Variants in FHL2 observed in about 807,000 individuals in gnomAD.
FHL2 encodes the protein four and a half LIM domains 2.
Under a neutral mutation model 32.7 loss-of-function variants are expected in FHL2, and 20 were observed. The observed-to-expected ratio is 0.61, with a 90% CI of 0.43 to 0.89. FHL2 has a LOEUF of 0.89. Ranked by LOEUF, FHL2 falls within the 40% of genes least tolerant of loss-of-function variation. The probability of loss-of-function intolerance (pLI) is 0.00; values close to 1 mark genes in which losing one functional copy is unlikely to be tolerated. For synonymous variants in FHL2, 123 were observed against 128.1 expected (o/e 0.96, Z 0.27); for missense variants, 311 against 358.6 (o/e 0.87, Z 1.07).
At position 105,398,995 on chromosome 2, in the gene FHL2, C is replaced by T; in HGVS notation, c.-229G>A. 5 of 1,502,862 alleles carry T rather than the reference C, an allele frequency of 3.3e-6. No individual in the cohort carries two copies. In the South Asian group the frequency reaches 6.5e-5, roughly 20 times the overall value. The allele number at this position is 1,502,862 out of a possible 1,614,324, so 93.1% of individuals were successfully genotyped here. On this transcript the variant is annotated 5_prime_UTR_variant, in exon 1 of 7. Transcript: ENST00000530340. ...GGCACCGCAGCGGGCCGGGGACTCCCGGACGGGGCTGGAGGGCGCGGGCGG... is the reference window on the plus strand; with the variant it reads ...GGCACCGCAGCGGGCCGGGGACTCCTGGACGGGGCTGGAGGGCGCGGGCGG...
intron 4 of FHL2, among the ~76,000 whole-genome samples, chr2:105,368,951 A>T (rs1680831040): frequency 6.6e-6 from 1 of 152,228 alleles, no homozygotes; most frequent in African/African-American, 2.4e-5. Context: ...GAACACAGCC[A>T]CGCCCATTAA....
At chr2:105,415,154 T>C (rs764722201) in intron 1 of FHL2, among the ~76,000 whole-genome samples, 3 of 152,218 alleles carry the variant, frequency 2.0e-5, no homozygotes, top group Non-Finnish European at 2.9e-5. Flanking sequence ...CATTCGTCCA[T>C]ACAATGGAGC....
intron 1 of FHL2, among the ~76,000 whole-genome samples, chr2:105,411,892 T>C (rs926373006): frequency 1.1e-4 from 16 of 152,126 alleles, no homozygotes; most frequent in African/African-American, 2.2e-4. Context: ...AGGGAAACTA[T>C]TGAGCAGAAA....
At chr2:105,398,177 C>CT (rs1353654912) in intron 1 of FHL2, among the ~76,000 whole-genome samples, 1 of 152,136 alleles carries the variant, frequency 6.6e-6, no homozygotes, top group Non-Finnish European at 1.5e-5. Context: ...TAAAACCCGA[C>CT]TGAGGATATG....
intron 1 of FHL2, among the ~76,000 whole-genome samples, chr2:105,397,888 G>GGTT (rs1558716902): frequency 2.9e-5 from 4 of 138,530 alleles, no homozygotes; most frequent in East Asian, 4.1e-4. Context: ...TTTGTTTTTT[G>GGTT]TTTTTTTTTG....
intron 2 of FHL2, among the ~76,000 whole-genome samples, chr2:105,390,950 C>T (rs1332110008): frequency 1.3e-5 from 2 of 151,746 alleles, no homozygotes; most frequent in African/African-American, 2.4e-5. Context: ...GCACACGCCA[C>T]CACACTCAGC....
At chr2:105,398,700 C>T in intron 1 of FHL2, 142 bp downstream of exon 1, 1 of 640,564 alleles carries the variant, frequency 1.6e-6, no homozygotes, top group Non-Finnish European at 2.4e-6. Flanking sequence ...CCGTGGTCTC[C>T]CCACCCCCAA....
chr2:105,364,708 T>C (rs368208544), intron 5 of FHL2, among the ~76,000 whole-genome samples: 5 of 152,070 alleles, frequency 3.3e-5, no homozygotes, highest in Admixed American at 3.3e-4. Flanking sequence ...TTGCTTTTTA[T>C]TTTTTGAACA....
intron 3 of FHL2, among the ~76,000 whole-genome samples, chr2:105,379,040 A>G (rs760038784): frequency 9.2e-5 from 14 of 152,170 alleles, no homozygotes; most frequent in Non-Finnish European, 2.1e-4. Flanking sequence ...CTGGGATCCC[A>G]GGAGCACGTG....
intron 1 of FHL2, among the ~76,000 whole-genome samples, chr2:105,422,432 T>C (rs1293166441): frequency 6.6e-6 from 1 of 152,168 alleles, no homozygotes; most frequent in Non-Finnish European, 1.5e-5. Flanking sequence ...AAAACTGTGA[T>C]GGGAATAGTG....
intron 1 of FHL2, among the ~76,000 whole-genome samples, chr2:105,413,655 G>C (rs1683857620): frequency 6.6e-6 from 1 of 151,948 alleles, no homozygotes; most frequent in Admixed American, 6.6e-5. Flanking sequence ...TTTAATTTTT[G>C]TTTTTATAGA....
intron 6 of FHL2, among the ~76,000 whole-genome samples, chr2:105,362,194 C>T (rs1327478641): frequency 6.6e-6 from 1 of 152,138 alleles, no homozygotes; most frequent in Non-Finnish European, 1.5e-5. Context: ...TATGTTCTGG[C>T]AAAAGATTAC....
chr2:105,404,997 C>T (rs1683581467), intron 1 of FHL2, among the ~76,000 whole-genome samples: 1 of 152,044 alleles, frequency 6.6e-6, no homozygotes, highest in South Asian at 2.1e-4. Flanking sequence ...TTTGATACCT[C>T]TTTAAGAAAG....
Position 105,397,439 on chromosome 2 carries a change from G to A in FHL2, c.-75-742C>T, listed in dbSNP as rs1418582259. On this transcript the variant is annotated intron_variant, in intron 1 of 6. Coordinates refer to ENST00000530340, the MANE Select transcript of FHL2 (RefSeq NM_001318895.3). The stretch of plus-strand genomic sequence containing the variant: ...CCAGTGGAGAAAACCGAGACACTAC[G>A]AGATTAAGTGACTTGGCCCAGGCTG... 2.0e-5 allele frequency among the ~76,000 whole-genome samples: 3 copies of A among 152,242 alleles called. No individual in the cohort carries two copies. The South Asian group carries it at 6.2e-4, about 32-fold the overall frequency.
rs117496869 is a variant in FHL2, at chr2:105,384,253, G to A, written c.156+2108C>T. ...AAGCTTTTATAATTATATTTTTCTC[G>A]GGCTATCTACTTCTTCCTCAAACTG... On this transcript the variant is annotated intron_variant, in intron 3 of 6. Coordinates refer to ENST00000530340, the MANE Select transcript of FHL2 (RefSeq NM_001318895.3). 8.8e-4 allele frequency among the ~76,000 whole-genome samples: 134 copies of A among 151,996 alleles called. 2 individuals carry two copies. The East Asian group carries it at 0.017, about 20-fold the overall frequency.
At chr2:105,397,056 G>T (rs745687183) in intron 1 of FHL2, 88 of 122,858 alleles carry the variant, frequency 7.2e-4, no homozygotes, top group Non-Finnish European at 1.1e-3. Flanking sequence ...GGGCGTTTTT[G>T]ACTGCAATTT....
intron 1 of FHL2, among the ~76,000 whole-genome samples, chr2:105,413,043 G>GT (rs1478775257): frequency 1.3e-5 from 2 of 152,214 alleles, no homozygotes; most frequent in Non-Finnish European, 2.9e-5. Flanking sequence ...AGTTAATGGT[G>GT]TAGAAGGACA....
intron 3 of FHL2, among the ~76,000 whole-genome samples, chr2:105,384,990 G>C (rs1682194904): frequency 6.6e-6 from 1 of 152,232 alleles, no homozygotes; most frequent in Non-Finnish European, 1.5e-5. Flanking sequence ...GGTGCAGTGA[G>C]ACACGCAGCA....
chr2:105,386,017 C>A (rs572675550), intron 3 of FHL2: 3 of 405,282 alleles, frequency 7.4e-6, no homozygotes, highest in Non-Finnish European at 1.3e-5. Flanking sequence ...TTACTCACCA[C>A]GGGGCAAACA....
Sources: gnomAD v4.1 joint callset for allele counts (sites outside exome capture counted in the v4.1 genomes callset) on GRCh38, gnomAD v4.1.1 for gene constraint, MANE v1.5 for transcripts, NCBI Gene and HGNC (gene_info 2026-07-23, HGNC 2026-07-21) for gene names.